Variants in EYS observed in about 807,000 individuals in gnomAD.
EYS encodes EGF-like photoreceptor maintenance factor.
EYS carries 250 observed loss-of-function variants against 282.1 expected under a neutral mutation model. The ratio of observed to expected loss-of-function variants is 0.89; its 90% CI spans 0.80 to 0.98. The LOEUF is 0.98. EYS is among the 50% of genes least tolerant of loss of function. The pLI is 0.00. For synonymous variants in EYS, 1,355 were observed against 1,282.9 expected (o/e 1.06, Z -1.20); for missense variants, 4,016 against 3,709.0 (o/e 1.08, Z -2.15).
chr6:64,822,015 C>A (rs975436798), intron 20 of EYS, among the ~76,000 whole-genome samples: 7 of 151,966 alleles, frequency 4.6e-5, no homozygotes, highest in Non-Finnish European at 8.8e-5. Flanking sequence ...TTAGCTATGG[C>A]CAGCCTGCAT....
intron 32 of EYS, among the ~76,000 whole-genome samples, chr6:64,079,816 A>T (rs1249640996): frequency 6.6e-6 from 1 of 151,498 alleles, no homozygotes; most frequent in Non-Finnish European, 1.5e-5. Flanking sequence ...AGAATATGCG[A>T]TGTTTGGTTT....
At chr6:64,137,796 C>T (rs892142035) in intron 31 of EYS, among the ~76,000 whole-genome samples, 12 of 152,066 alleles carry the variant, frequency 7.9e-5, no homozygotes, top group African/African-American at 2.9e-4. Flanking sequence ...TATACTAATA[C>T]TGGTAAAGTT....
In EYS at chr6:64,635,400, C is replaced by T. The variant is rs565010253; in HGVS notation, c.3444-9155G>A. On this transcript the variant is annotated intron_variant, in intron 22 of 42. Transcript: ENST00000503581. ...GAGAGAGGGCATCCCTGTCTTGTGC[C>T]GGTTTTCAAAGGGAATGCTTCCAGT... Among the ~76,000 whole-genome samples the T allele has an allele frequency of 4.0e-3, 609 of 152,188 alleles. 3 individuals are homozygous for T. The highest frequency in any genetic ancestry group is 0.014 in the African/African-American group (566 of 41,518).
chr6:64,565,333 A>C (rs763850179), intron 26 of EYS, among the ~76,000 whole-genome samples: 2 of 152,110 alleles, frequency 1.3e-5, no homozygotes, highest in Non-Finnish European at 2.9e-5. Context: ...TCTTACATTT[A>C]AGTCTTAAAT....
At chr6:65,589,509 G>A (rs962407365) in intron 2 of EYS, among the ~76,000 whole-genome samples, 13 of 151,686 alleles carry the variant, frequency 8.6e-5, no homozygotes, top group East Asian at 3.9e-4. Flanking sequence ...ACCTCTCTAG[G>A]TAGAAATGGT....
intron 2 of EYS, among the ~76,000 whole-genome samples, chr6:65,622,409 A>G (rs1438480841): frequency 6.6e-6 from 1 of 152,122 alleles, no homozygotes; most frequent in African/African-American, 2.4e-5. Context: ...TCTGCTATTA[A>G]TCAAATTTTC....
intron 29 of EYS, among the ~76,000 whole-genome samples, chr6:64,360,003 T>G (rs1268206313): frequency 6.6e-6 from 1 of 151,644 alleles, no homozygotes; most frequent in Non-Finnish European, 1.5e-5. Context: ...CTACTAACCT[T>G]CCTCAAATGG....
chr6:64,294,785 A>T (rs1467482971), intron 30 of EYS, among the ~76,000 whole-genome samples: 1 of 151,988 alleles, frequency 6.6e-6, no homozygotes, highest in Non-Finnish European at 1.5e-5. Context: ...TTATCACTTT[A>T]ATTTAAAAAA....
intron 11 of EYS, among the ~76,000 whole-genome samples, chr6:65,316,687 T>A (rs1325136125): frequency 1.1e-4 from 17 of 151,872 alleles, no homozygotes; most frequent in Admixed American, 1.1e-3. Context: ...GTGTCATGTG[T>A]TCTCATTGTT....
At chr6:64,618,690 T>C (rs943784098) in intron 23 of EYS, among the ~76,000 whole-genome samples, 7 of 152,168 alleles carry the variant, frequency 4.6e-5, no homozygotes, top group African/African-American at 1.7e-4. Flanking sequence ...CATGGCAATG[T>C]CCACATCAAA....
At chr6:63,828,900 A>G (rs926717870) in intron 36 of EYS, among the ~76,000 whole-genome samples, 1 of 152,252 alleles carries the variant, frequency 6.6e-6, no homozygotes, top group Non-Finnish European at 1.5e-5. Flanking sequence ...TACAGAATGT[A>G]AACTAGAAAA....
Position 63,806,200 on chromosome 6 carries a change from C to G in EYS, c.7401G>C (p.Gln2467His). 1 of 1,551,244 alleles carries G rather than the reference C, an allele frequency of 6.4e-7. No homozygotes were observed. The highest frequency in any genetic ancestry group is 1.4e-5 in the African/African-American group (1 of 73,134). The change falls in exon 37 of 43, where the codon CAG becomes CAC. Residue 2467 changes from glutamine (Q) to histidine (H), a missense_variant. By Grantham distance (24) the Gln-to-His change is conservative. Transcript: ENST00000503581. ...LQNNLIFFTG[Q>H]KGHGLNGDDF... ...TTCAGTTAATCTTACCATGGCCTTT[C>G]TGTCCAGTAAAAAATATCAAGTTAT...
At chr6:65,469,512 G>A (rs2127237008) in intron 5 of EYS, among the ~76,000 whole-genome samples, 1 of 151,878 alleles carries the variant, frequency 6.6e-6, no homozygotes, top group East Asian at 1.9e-4. Flanking sequence ...CTAAAAATAG[G>A]ATCAAAACTC....
At chr6:65,606,243 T>C (rs1243100226) in intron 2 of EYS, among the ~76,000 whole-genome samples, 5 of 151,764 alleles carry the variant, frequency 3.3e-5, no homozygotes, top group African/African-American at 1.2e-4. Context: ...ACTCTAAATG[T>C]ACATTAATAT....
At chr6:65,194,889 A>T (rs1270526347) in intron 12 of EYS, among the ~76,000 whole-genome samples, 1 of 151,526 alleles carries the variant, frequency 6.6e-6, no homozygotes, top group East Asian at 1.9e-4. Flanking sequence ...CCAGTAGAAC[A>T]CTATATTAAA....
At chr6:65,369,342 A>G (rs1156460524) in intron 8 of EYS, among the ~76,000 whole-genome samples, 1 of 144,798 alleles carries the variant, frequency 6.9e-6, no homozygotes, top group Non-Finnish European at 1.5e-5. Context: ...ATATATATAT[A>G]TATCTCATTC....
At chr6:65,579,891 CACTCT>C (rs1764811783) in intron 2 of EYS, among the ~76,000 whole-genome samples, 1 of 152,038 alleles carries the variant, frequency 6.6e-6, no homozygotes, top group African/African-American at 2.4e-5. Flanking sequence ...AGACGTTTCT[CACTCT>C]ACTCTTTTGT....
intron 29 of EYS, among the ~76,000 whole-genome samples, chr6:64,312,553 A>G (rs1209926577): frequency 6.6e-6 from 1 of 152,178 alleles, no homozygotes; most frequent in Admixed American, 6.5e-5. Context: ...TGCCTCCTCA[A>G]GTGGGTCCCT....
chr6:65,187,965 T>C (rs922195556), intron 12 of EYS, among the ~76,000 whole-genome samples: 81 of 151,732 alleles, frequency 5.3e-4, no homozygotes, highest in Admixed American at 4.0e-4. Flanking sequence ...CAATGGCTTT[T>C]CTTAAGACAT....
Sources: gnomAD v4.1 joint callset for allele counts (sites outside exome capture counted in the v4.1 genomes callset) on GRCh38, gnomAD v4.1.1 for gene constraint, MANE v1.5 for transcripts, NCBI Gene and HGNC (gene_info 2026-07-23, HGNC 2026-07-21) for gene names.